KIF6: variants seen among roughly 807,000 people sequenced by gnomAD.
KIF6 encodes kinesin-like protein KIF6.
KIF6 carries 106 observed loss-of-function variants against 112.7 expected under a neutral mutation model. The observed-to-expected ratio is 0.94, with a 90% CI of 0.80 to 1.11. The LOEUF is 1.11. Ranked by LOEUF, KIF6 falls within the 50% of genes least tolerant of loss-of-function variation. The pLI is 0.00. For missense variants in KIF6, 929 were observed against 964.0 expected (o/e 0.96, Z 0.48); for synonymous variants, 339 against 339.9 (o/e 1.00, Z 0.03).
intron 3 of KIF6, among the ~76,000 whole-genome samples, chr6:39,655,201 ATATTCATAT>A (rs1785706060): frequency 6.6e-6 from 1 of 152,188 alleles, no homozygotes; most frequent in South Asian, 2.1e-4. Flanking sequence ...AAACATTTTC[ATATTCATAT>A]TTTATATTCA....
chr6:39,453,727 C>T (rs1581890701), intron 13 of KIF6, among the ~76,000 whole-genome samples: 1 of 152,310 alleles, frequency 6.6e-6, no homozygotes, highest in Non-Finnish European at 1.5e-5. Context: ...AAAAAAAGGG[C>T]AGAATATAAC....
At chr6:39,578,627 G>A (rs1385025287) in intron 9 of KIF6, among the ~76,000 whole-genome samples, 3 of 152,072 alleles carry the variant, frequency 2.0e-5, no homozygotes, top group Non-Finnish European at 4.4e-5. Context: ...ACCTCGCCCA[G>A]CCTCTATAAT....
rs1250571520 is a variant in KIF6, at chr6:39,382,454, A to T, written c.1861+3168T>A. Among the ~76,000 whole-genome samples the T allele has an allele frequency of 5.9e-5, 9 of 152,194 alleles. No homozygotes were observed. The East Asian group carries it at 1.7e-3, about 29-fold the overall frequency. On this transcript the variant is annotated intron_variant, in intron 16 of 22. Transcript: ENST00000287152. ...CTGTTCCTGCGTTAATTCATTTGGGATAATGGCCTGCAGCTGTATTCATGT... is the reference window on the plus strand; with the variant it reads ...CTGTTCCTGCGTTAATTCATTTGGGTTAATGGCCTGCAGCTGTATTCATGT...
intron 3 of KIF6, among the ~76,000 whole-genome samples, chr6:39,685,247 T>G (rs1036707652): frequency 6.6e-6 from 1 of 152,228 alleles, no homozygotes; most frequent in African/African-American, 2.4e-5. Flanking sequence ...ATACTTGAGA[T>G]GGCAAGACAA....
At chr6:39,556,585 A>G (rs1779722051) in intron 10 of KIF6, among the ~76,000 whole-genome samples, 1 of 152,198 alleles carries the variant, frequency 6.6e-6, no homozygotes, top group Non-Finnish European at 1.5e-5. Context: ...CCCTCTGACC[A>G]GAACAGGGGC....
intron 3 of KIF6, among the ~76,000 whole-genome samples, chr6:39,660,058 C>T (rs1423691787): frequency 6.6e-6 from 1 of 152,146 alleles, no homozygotes; most frequent in Non-Finnish European, 1.5e-5. Context: ...TGCCTGTAAT[C>T]CCAGCACTTG....
intron 13 of KIF6, among the ~76,000 whole-genome samples, chr6:39,494,087 G>A (rs1355152623): frequency 2.0e-5 from 3 of 152,220 alleles, no homozygotes; most frequent in African/African-American, 7.2e-5. Context: ...GGGAATGCAA[G>A]TGTGGAAATG....
intron 13 of KIF6, among the ~76,000 whole-genome samples, chr6:39,463,443 A>G (rs886468281): frequency 2.0e-5 from 3 of 152,364 alleles, no homozygotes; most frequent in East Asian, 3.9e-4. Context: ...GAATATTTCA[A>G]CAAAAGAGAC....
rs187869186 is a variant in KIF6, at chr6:39,592,576, G to A, written c.846+3478C>T. On this transcript the variant is annotated intron_variant, in intron 7 of 22. Transcript: ENST00000287152. Reference sequence around the variant, plus strand: ...CATTTCCAGTGGTTTCTCACTTGATGTTTGGGCTGATAGAGGCTGTGGGTC... The same window carrying A: ...CATTTCCAGTGGTTTCTCACTTGATATTTGGGCTGATAGAGGCTGTGGGTC... Among the ~76,000 whole-genome samples, 21 of 152,318 alleles carry A rather than the reference G, an allele frequency of 1.4e-4. No homozygotes were observed. In the East Asian group the frequency reaches 3.7e-3, roughly 27 times the overall value.
At chr6:39,489,494 C>G (rs183555117) in intron 13 of KIF6, among the ~76,000 whole-genome samples, 85 of 152,082 alleles carry the variant, frequency 5.6e-4, no homozygotes, top group African/African-American at 1.9e-3. Context: ...TGCAAATTTC[C>G]AACCAGGATA....
intron 16 of KIF6, among the ~76,000 whole-genome samples, chr6:39,382,101 C>T (rs578191346): frequency 2.0e-5 from 3 of 152,230 alleles, no homozygotes; most frequent in East Asian, 1.9e-4. Context: ...CTTCCCAGAC[C>T]GAAGATGAAA....
intron 20 of KIF6, among the ~76,000 whole-genome samples, chr6:39,346,049 G>GCTCTCTCTCTCTCTCTCTCTCT (rs1203700665): frequency 1.0e-4 from 3 of 29,004 alleles, no homozygotes; most frequent in East Asian, 1.3e-3. Context: ...AAACTACAGT[G>GCTCTCTCTCTCTCTCTCTCTCT]CTCTCTCTCT....
chr6:39,397,070 C>T (rs951320252), intron 15 of KIF6, among the ~76,000 whole-genome samples: 3 of 152,172 alleles, frequency 2.0e-5, no homozygotes, highest in Non-Finnish European at 2.9e-5. Flanking sequence ...TTGCAATTGT[C>T]CAAATCAGGG....
At chr6:39,597,925 G>A (rs186675776) in intron 6 of KIF6, among the ~76,000 whole-genome samples, 76 of 152,238 alleles carry the variant, frequency 5.0e-4, no homozygotes, top group Admixed American at 1.3e-3. Context: ...CAACACTTTG[G>A]GAGGCTGAGG....
intron 13 of KIF6, among the ~76,000 whole-genome samples, chr6:39,451,166 T>G (rs577457617): frequency 1.2e-3 from 181 of 152,360 alleles, no homozygotes; most frequent in African/African-American, 2.7e-3. Context: ...TGTCAGTTAC[T>G]ATTCTTGGAG....
intron 9 of KIF6, among the ~76,000 whole-genome samples, chr6:39,578,505 T>A (rs1781106305): frequency 6.6e-6 from 1 of 151,488 alleles, no homozygotes; most frequent in Non-Finnish European, 1.5e-5. Flanking sequence ...ATCTTTTGTA[T>A]TTTTTTTAGT....
chr6:39,629,200 T>C (rs1259759522), intron 5 of KIF6, among the ~76,000 whole-genome samples: 1 of 152,100 alleles, frequency 6.6e-6, no homozygotes, highest in African/African-American at 2.4e-5. Context: ...AGGAGCGCAG[T>C]TGCTGGATCA....
At chr6:39,431,560 A>G (rs1771158871) in intron 13 of KIF6, among the ~76,000 whole-genome samples, 1 of 152,204 alleles carries the variant, frequency 6.6e-6, no homozygotes, top group Non-Finnish European at 1.5e-5. Context: ...CCAGGCATTT[A>G]GTTAAAGGAA....
intron 16 of KIF6, among the ~76,000 whole-genome samples, chr6:39,372,366 C>A (rs748576029): frequency 2.6e-5 from 4 of 152,090 alleles, no homozygotes; most frequent in African/African-American, 4.8e-5. Flanking sequence ...AATTACAATG[C>A]GCCTGGAGAA....
Sources: gnomAD v4.1 joint callset for allele counts (sites outside exome capture counted in the v4.1 genomes callset) on GRCh38, gnomAD v4.1.1 for gene constraint, MANE v1.5 for transcripts, NCBI Gene and HGNC (gene_info 2026-07-23, HGNC 2026-07-21) for gene names.